The following ATP1B1 variants were observed in gnomAD, a reference collection of about 807,000 sequenced individuals.
The protein encoded by ATP1B1 is sodium/potassium-transporting ATPase subunit beta-1.
A neutral mutation model predicts 39.6 loss-of-function variants in ATP1B1; 3 were observed. The observed-to-expected ratio is 0.08, with a 90% CI of 0.03 to 0.20. The LOEUF is 0.20. Among genes scored for constraint, ATP1B1 ranks in the 10% least tolerant of loss-of-function variants. The pLI is 1.00. For missense variants in ATP1B1, 216 were observed against 371.1 expected, an observed-to-expected ratio of 0.58 and a Z score of 3.43; for synonymous variants, 139 against 135.0, an observed-to-expected ratio of 1.03 and a Z score of -0.20.
chr1:169,116,242 A>G lies in ATP1B1; in HGVS notation c.226+4744A>G, dbSNP rs75011776. On this transcript the variant is annotated intron_variant, in intron 2 of 5. Transcript: ENST00000367815. ...TTCCCCCACCTCAGGCTCACTTAGC[A>G]ACAGTGGAGTGAAATGAAGGTCACT... 5.7e-3 allele frequency among the ~76,000 whole-genome samples: 875 copies of G among 152,316 alleles called. 8 individuals carry two copies. Among genetic ancestry groups the G allele is most frequent in the African/African-American group, 0.02 (841 of 41,580 alleles).
At chr1:169,124,622 G>T (rs1247892165) in intron 2 of ATP1B1, among the ~76,000 whole-genome samples, 2 of 152,212 alleles carry the variant, frequency 1.3e-5, no homozygotes, top group Non-Finnish European at 2.9e-5. Context: ...AGTGCAAGCA[G>T]TGTTGTCATT....
Position 169,131,496 on chromosome 1 carries a change from T to C in ATP1B1, c.853T>C (p.Tyr285His). ...ECKAYGENIG[Y>H]SEKDRFQGRF... is the part of the protein sequence containing the mutation. Reference sequence around the variant, plus strand: ...TAAGGCGTACGGTGAGAACATTGGGTACAGTGAGAAAGACCGTTTTCAGGG... The same window carrying C: ...TAAGGCGTACGGTGAGAACATTGGGCACAGTGAGAAAGACCGTTTTCAGGG... The change falls in exon 6 of 6, where the codon TAC becomes CAC. Residue 285 changes from tyrosine to histidine, a missense_variant. Coordinates refer to ENST00000367815, the MANE Select transcript of ATP1B1 (RefSeq NM_001677.4). The surrounding 1 kb of genome is among the most constrained non-coding windows in gnomAD (Gnocchi z 4.4). The C allele has an allele frequency of 6.2e-7, 1 of 1,614,164 alleles. No homozygotes were observed. The highest frequency in any genetic ancestry group is 8.5e-7 in the Non-Finnish European group (1 of 1,180,038).
intron 2 of ATP1B1, 101 bp downstream of exon 2, chr1:169,111,599 C>T (rs1200138): frequency 0.75 from 1,105,709 of 1,467,256 alleles, 418,473 homozygotes; most frequent in East Asian, 0.9. Context: ...ATAATGTAGT[C>T]TTAAAGCAAC....
chr1:169,123,371 G>A (rs373273628), intron 2 of ATP1B1, among the ~76,000 whole-genome samples: 1 of 151,864 alleles, frequency 6.6e-6, no homozygotes, highest in African/African-American at 2.4e-5. Context: ...CTAAATGATA[G>A]TGACATAGGT....
At chr1:169,122,770 T>TTTTTTTTTG (rs71121722) in intron 2 of ATP1B1, among the ~76,000 whole-genome samples, 1 of 101,284 alleles carries the variant, frequency 9.9e-6, no homozygotes, top group Non-Finnish European at 2.1e-5. Flanking sequence ...TTTTTTTTTT[T>TTTTTTTTTG]AATTGCGATA....
At chr1:169,115,102 G>A (rs2143288) in intron 2 of ATP1B1, among the ~76,000 whole-genome samples, 23,953 of 149,118 alleles carry the variant, frequency 0.16, 2,093 homozygotes, top group African/African-American at 0.23. Flanking sequence ...GGAGAATGGC[G>A]TGAACCCGGG....
At chr1:169,116,773 C>G (rs565820915) in intron 2 of ATP1B1, among the ~76,000 whole-genome samples, 2 of 152,040 alleles carry the variant, frequency 1.3e-5, no homozygotes, top group African/African-American at 4.8e-5. Context: ...ATCACTTGAA[C>G]CCGGAAGGCA....
intron 1 of ATP1B1, 106 bp downstream of exon 1, chr1:169,107,032 G>A: frequency 1.8e-6 from 2 of 1,101,052 alleles, no homozygotes; most frequent in Non-Finnish European, 1.3e-6. Flanking sequence ...GCGCTGGCCG[G>A]GGTGGCGGGG....
At chr1:169,112,881 T>C (rs1657756363) in intron 2 of ATP1B1, among the ~76,000 whole-genome samples, 2 of 152,094 alleles carry the variant, frequency 1.3e-5, no homozygotes, top group African/African-American at 4.8e-5. Flanking sequence ...AATTCTGGAG[T>C]ATGCAGAGAA....
At chr1:169,124,128 A>T (rs899003999) in intron 2 of ATP1B1, among the ~76,000 whole-genome samples, 1 of 152,216 alleles carries the variant, frequency 6.6e-6, no homozygotes, top group Non-Finnish European at 1.5e-5. Context: ...AGTGTGGTTC[A>T]CATACCCATC....
Position 169,118,630 on chromosome 1 carries a change from C to G in ATP1B1, c.227-6254C>G, listed in dbSNP as rs146256156. 5.4e-3 allele frequency among the ~76,000 whole-genome samples: 823 copies of G among 152,276 alleles called. 9 individuals carry two copies. The highest frequency in any genetic ancestry group is 0.019 in the African/African-American group (778 of 41,556). On this transcript the variant is annotated intron_variant, in intron 2 of 5. Coordinates refer to ENST00000367815, the MANE Select transcript of ATP1B1 (RefSeq NM_001677.4). Reference sequence around the variant, plus strand: ...AGAGTGGCACTTAAAGGAGAAATTTCTATCTCATATATGTGCGTATGCATA... The same window carrying G: ...AGAGTGGCACTTAAAGGAGAAATTTGTATCTCATATATGTGCGTATGCATA...
intron 1 of ATP1B1, chr1:169,110,605 G>A: frequency 2.4e-6 from 2 of 835,248 alleles, no homozygotes; most frequent in Non-Finnish European, 3.1e-6. Flanking sequence ...AGCTATTTCA[G>A]CCTCCATCCT....
chr1:169,131,216 A>C lies in ATP1B1; in HGVS notation c.649-76A>C. 1 of 1,547,330 alleles carries C rather than the reference A, an allele frequency of 6.5e-7. No homozygotes were observed. The highest frequency in any genetic ancestry group is 8.8e-7 in the Non-Finnish European group (1 of 1,139,058). On this transcript the variant is annotated intron_variant, in intron 5 of 5. Transcript: ENST00000367815. This position sits in a 1 kb window ranked among gnomAD's most constrained non-coding sequence, Gnocchi z 4.4. ...CAGTAGTTTGCAAACTACTGTGTAG[A>C]TTGAGTCTTGTTTTTGAGTACACAT...
At chr1:169,123,572 T>C in intron 2 of ATP1B1, among the ~76,000 whole-genome samples, 1 of 46,616 alleles carries the variant, frequency 2.1e-5, no homozygotes, top group South Asian at 4.6e-4. Context: ...TCAGTTAAAC[T>C]ATATCTCTCT....
intron 2 of ATP1B1, 118 bp downstream of exon 2, chr1:169,111,616 A>G: frequency 2.9e-6 from 4 of 1,385,786 alleles, no homozygotes; most frequent in Non-Finnish European, 3.9e-6. Context: ...CAACCATGAA[A>G]AGGGAAAAGA....
chr1:169,115,690 T>C (rs1244497315), intron 2 of ATP1B1, among the ~76,000 whole-genome samples: 1 of 152,216 alleles, frequency 6.6e-6, no homozygotes, highest in African/African-American at 2.4e-5. Flanking sequence ...AAGCAGCAGT[T>C]TCTTCTTTTT....
chr1:169,116,670 G>A (rs950665395), intron 2 of ATP1B1, among the ~76,000 whole-genome samples: 1 of 152,046 alleles, frequency 6.6e-6, no homozygotes, highest in Non-Finnish European at 1.5e-5. Flanking sequence ...GGCCAACATG[G>A]TGAAACCCCA....
intron 1 of ATP1B1, 100 bp from the exon 2 acceptor site, chr1:169,111,270 G>C (rs924182071): frequency 6.7e-7 from 1 of 1,492,574 alleles, no homozygotes; most frequent in Admixed American, 1.8e-5. Flanking sequence ...TCATGGGACC[G>C]GGGGAACCAG....
At position 169,132,016 on chromosome 1, in the gene ATP1B1, G is replaced by C. The variant is rs1658233664; in HGVS notation, c.*461G>C. 3.6e-6 allele frequency: 1 copy of C among 277,836 alleles called. No homozygotes were observed. 17.2% of individuals were successfully genotyped at this position (277,836 alleles called of 1,614,324 possible). On this transcript the variant is annotated 3_prime_UTR_variant, in exon 6 of 6. Coordinates refer to ENST00000367815, the MANE Select transcript of ATP1B1 (RefSeq NM_001677.4). ...ATTCAACGGGAATAAAACTGGCATG[G>C]TAATTTTTTTTTTTTTTTTTTTTTT... is the stretch of plus-strand genomic sequence containing the variant.
Sources: gnomAD v4.1 joint callset for allele counts (sites outside exome capture counted in the v4.1 genomes callset) on GRCh38, gnomAD v4.1.1 for gene constraint, Gnocchi (gnomAD v3.1) non-coding constraint, MANE v1.5 for transcripts, NCBI Gene and HGNC (gene_info 2026-07-23, HGNC 2026-07-21) for gene names.